STAT4: variants seen among roughly 807,000 people sequenced by gnomAD.
The protein encoded by STAT4 is signal transducer and activator of transcription 4.
Under a neutral mutation model 110.5 loss-of-function variants are expected in STAT4, and 42 were observed. The ratio of observed to expected loss-of-function variants is 0.38; its 90% CI spans 0.30 to 0.49. The LOEUF (loss-of-function observed/expected upper bound fraction) is 0.49. STAT4 is among the 20% of genes least tolerant of loss of function. The pLI, the probability that STAT4 is intolerant of heterozygous loss-of-function variation, is 0.95. For missense variants in STAT4, 632 were observed against 887.9 expected (o/e 0.71, Z 3.66); for synonymous variants, 284 against 302.2 (o/e 0.94, Z 0.63).
In STAT4 at chr2:191,146,737, TC is replaced by T; in HGVS notation, c.148del (p.Glu50LysfsTer12). On this transcript the variant is annotated frameshift_variant, in exon 3 of 24. Transcript: ENST00000392320. LOFTEE classifies it high-confidence loss of function. The surrounding 1 kb of genome is among the most constrained non-coding windows in gnomAD (Gnocchi z 4.5). ...NQDWEAASNN[E>X]TMATILLQNL... ...TTGAAGAAGAATCGTTGCCATGGTT[TC>T]ATTGTTAGAAGCTGCCTCCCTAAAA... is the stretch of plus-strand genomic sequence containing the variant. 6.4e-7 allele frequency: 1 copy of T among 1,567,400 alleles called. No individual in the cohort carries two copies. Among genetic ancestry groups the T allele is most frequent in the Non-Finnish European group, 8.6e-7 (1 of 1,160,340 alleles).
At chr2:191,124,053 A>C (rs1698810059) in intron 3 of STAT4, among the ~76,000 whole-genome samples, 1 of 152,118 alleles carries the variant, frequency 6.6e-6, no homozygotes, top group South Asian at 2.1e-4. Context: ...TATGAACTCT[A>C]AACTGAATTT....
chr2:191,062,707 G>T lies in STAT4; in HGVS notation c.941+55C>A. On this transcript the variant is annotated intron_variant, in intron 9 of 23. Coordinates refer to ENST00000392320, the MANE Select transcript of STAT4 (RefSeq NM_003151.4). This position sits in a 1 kb window ranked among gnomAD's most constrained non-coding sequence, Gnocchi z 4.9. ...TTCCACCTAAACACCAAAACCTTAG[G>T]AAGGGTGTTCTTACTTCACAGAATG... 6.3e-7 allele frequency: 1 copy of T among 1,597,852 alleles called. No individual in the cohort carries two copies. Among genetic ancestry groups the T allele is most frequent in the Non-Finnish European group, 8.6e-7 (1 of 1,168,334 alleles).
At position 191,110,771 on chromosome 2, in the gene STAT4, T is replaced by C. The variant is rs1698402071; in HGVS notation, c.274-34446A>G. ...CACTACATTGAATTATATTTTATTTTTAAATTTTTGTTTGTTTGTTTGTTT... is the reference window on the plus strand; with the variant it reads ...CACTACATTGAATTATATTTTATTTCTAAATTTTTGTTTGTTTGTTTGTTT... On this transcript the variant is annotated intron_variant, in intron 3 of 23. Coordinates refer to ENST00000392320, the MANE Select transcript of STAT4 (RefSeq NM_003151.4). The surrounding 1 kb of genome is among the most constrained non-coding windows in gnomAD (Gnocchi z 4.5). 6.6e-6 allele frequency among the ~76,000 whole-genome samples: 1 copy of C among 152,150 alleles called. No individual in the cohort carries two copies. Among genetic ancestry groups the C allele is most frequent in the Non-Finnish European group, 1.5e-5 (1 of 68,016 alleles).
At chr2:191,064,097 T>C (rs1407801669) in intron 8 of STAT4, among the ~76,000 whole-genome samples, 1 of 152,228 alleles carries the variant, frequency 6.6e-6, no homozygotes, top group African/African-American at 2.4e-5. Context: ...CATGTGTGCA[T>C]ACATAGATCG....
rs948759387 is a variant in STAT4 at position 191,146,760 on chromosome 2, A to T, written c.129-3T>A. The T allele has an allele frequency of 1.2e-5, 7 of 582,664 alleles. No homozygotes were observed. The highest frequency in any genetic ancestry group is 1.7e-5 in the Non-Finnish European group (7 of 403,850). 36.1% of individuals were successfully genotyped at this position (582,664 alleles called of 1,614,324 possible). ...TTTCATTGTTAGAAGCTGCCTCCCT[A>T]AAAAAAAAAAGGATTATTACACAAC... is the stretch of plus-strand genomic sequence containing the variant. On this transcript the variant is annotated splice_polypyrimidine_tract_variant and splice_region_variant and intron_variant, in intron 2 of 23. Transcript: ENST00000392320. This position sits in a 1 kb window ranked among gnomAD's most constrained non-coding sequence, Gnocchi z 4.5.
At chr2:191,131,972 C>T (rs1386221236) in intron 3 of STAT4, 2 of 1,262,064 alleles carry the variant, frequency 1.6e-6, no homozygotes, top group Non-Finnish European at 2.0e-6. Flanking sequence ...TACAACTATT[C>T]CTGAAGAGAA....
At chr2:191,036,441 T>C in intron 16 of STAT4, 142 bp from the exon 17 acceptor site, 1 of 885,652 alleles carries the variant, frequency 1.1e-6, no homozygotes, top group Non-Finnish European at 1.7e-6. Context: ...AGTCAGGCAG[T>C]TAACTGTTTC....
rs1284474098 is a variant in STAT4 at position 191,116,323 on chromosome 2, C to T, written c.273+30290G>A. 6.6e-6 allele frequency among the ~76,000 whole-genome samples: 1 copy of T among 152,156 alleles called. No homozygotes were observed. Among genetic ancestry groups the T allele is most frequent in the Non-Finnish European group, 1.5e-5 (1 of 68,022 alleles). On this transcript the variant is annotated intron_variant, in intron 3 of 23. Coordinates refer to ENST00000392320, the MANE Select transcript of STAT4 (RefSeq NM_003151.4). This position sits in a 1 kb window ranked among gnomAD's most constrained non-coding sequence, Gnocchi z 4.1. ...CTGTACATTTCATCCTAAATTAATGCCCTTGTCAGCTGGTCTTGTGGCTGT... is the reference window on the plus strand; with the variant it reads ...CTGTACATTTCATCCTAAATTAATGTCCTTGTCAGCTGGTCTTGTGGCTGT...
rs1698311055 is a variant in STAT4, at chr2:191,107,408, T to C, written c.274-31083A>G. On this transcript the variant is annotated intron_variant, in intron 3 of 23. Transcript: ENST00000392320. This position sits in a 1 kb window ranked among gnomAD's most constrained non-coding sequence, Gnocchi z 4.2. ...AGTGTCAGGCACCACACTAAGCCCT[T>C]AATTGAATTGTCATTTGGTCCCCAC... 6.6e-6 allele frequency among the ~76,000 whole-genome samples: 1 copy of C among 152,204 alleles called. No homozygotes were observed. The highest frequency in any genetic ancestry group is 6.5e-5 in the Admixed American group (1 of 15,282).
In STAT4 at chr2:191,140,756, G is replaced by T. The variant is rs1337192358; in HGVS notation, c.273+5857C>A. Among the ~76,000 whole-genome samples the T allele has an allele frequency of 5.9e-5, 9 of 152,064 alleles. 1 individual carries two copies. Among genetic ancestry groups the T allele is most frequent in the African/African-American group, 2.2e-4 (9 of 41,394 alleles). ...TACTGGGTATCTACCCAAAGGAAAA[G>T]AAATCATTATATAAAAAATACACAC... On this transcript the variant is annotated intron_variant, in intron 3 of 23. Transcript: ENST00000392320. This position sits in a 1 kb window ranked among gnomAD's most constrained non-coding sequence, Gnocchi z 4.4.
rs1695963658 is a variant in STAT4 at position 191,033,700 on chromosome 2, GTTTGT to G, written c.1716-79_1716-75del. ...CTTATTGCATTTACAAAGACCTACA[GTTTGT>G]TTTGAGTGTAATCAAAAGTCATTCT... On this transcript the variant is annotated intron_variant, in intron 19 of 23. Transcript: ENST00000392320. The surrounding 1 kb of genome is among the most constrained non-coding windows in gnomAD (Gnocchi z 6.9). 3.8e-6 allele frequency: 6 copies of G among 1,564,148 alleles called. No individual in the cohort carries two copies. Among genetic ancestry groups the G allele is most frequent in the East Asian group, 2.2e-5 (1 of 44,532 alleles).
intron 14 of STAT4, among the ~76,000 whole-genome samples, chr2:191,052,119 C>T (rs1220068236): frequency 1.3e-5 from 2 of 152,164 alleles, no homozygotes; most frequent in Admixed American, 1.3e-4. Context: ...TGACCACAAT[C>T]CCTGGCCTCA....
At chr2:191,100,657 A>G (rs917492285) in intron 3 of STAT4, among the ~76,000 whole-genome samples, 1 of 152,090 alleles carries the variant, frequency 6.6e-6, no homozygotes, top group African/African-American at 2.4e-5. Context: ...TCATCCCCTC[A>G]GTACCTTGCT....
At chr2:191,089,236 A>C (rs1697723691) in intron 3 of STAT4, among the ~76,000 whole-genome samples, 1 of 152,222 alleles carries the variant, frequency 6.6e-6, no homozygotes, top group Non-Finnish European at 1.5e-5. Flanking sequence ...CAATTTAAAA[A>C]TGGGCCAAAT....
At chr2:191,098,809 C>G (rs968116658) in intron 3 of STAT4, among the ~76,000 whole-genome samples, 42 of 151,848 alleles carry the variant, frequency 2.8e-4, no homozygotes, top group Non-Finnish European at 2.4e-4. Flanking sequence ...ATCTAAGGAT[C>G]GAGGAGATCT....
chr2:191,138,368 C>CA lies in STAT4; in HGVS notation c.273+8244dup, dbSNP rs1232609956. On this transcript the variant is annotated intron_variant, in intron 3 of 23. Coordinates refer to ENST00000392320, the MANE Select transcript of STAT4 (RefSeq NM_003151.4). This position sits in a 1 kb window ranked among gnomAD's most constrained non-coding sequence, Gnocchi z 4.3. ...TTGATAGACCATTAGTGAGATTAAC[C>CA]AAAAAAAGAAGAGAGAAGATCCAAA... is the stretch of plus-strand genomic sequence containing the variant. Among the ~76,000 whole-genome samples the CA allele has an allele frequency of 6.6e-6, 1 of 151,500 alleles. No individual in the cohort carries two copies. Among genetic ancestry groups the CA allele is most frequent in the East Asian group, 1.9e-4 (1 of 5,168 alleles).
intron 6 of STAT4, chr2:191,068,476 C>T (rs904208109): frequency 6.6e-6 from 1 of 152,048 alleles, no homozygotes; most frequent in African/African-American, 2.4e-5. Flanking sequence ...TTAAGTATAT[C>T]AGGAGAAGAA....
intron 3 of STAT4, among the ~76,000 whole-genome samples, chr2:191,136,532 A>C (rs953828858): frequency 9.9e-5 from 15 of 152,198 alleles, no homozygotes; most frequent in Non-Finnish European, 1.6e-4. Flanking sequence ...CCGGCAGATC[A>C]TTTGAGGTCA....
chr2:191,108,788 G>A (rs1698348550), intron 3 of STAT4, among the ~76,000 whole-genome samples: 1 of 152,212 alleles, frequency 6.6e-6, no homozygotes, highest in Admixed American at 6.5e-5. Flanking sequence ...GCCAAAATAA[G>A]TGCTATTCCC....
Sources: gnomAD v4.1 joint callset for allele counts (sites outside exome capture counted in the v4.1 genomes callset) on GRCh38, gnomAD v4.1.1 for gene constraint, Gnocchi (gnomAD v3.1) non-coding constraint, MANE v1.5 for transcripts, NCBI Gene and HGNC (gene_info 2026-07-23, HGNC 2026-07-21) for gene names.